Variants in RTN1 observed in about 807,000 individuals in gnomAD.
RTN1 encodes the protein reticulon 1.
A neutral mutation model predicts 65.5 loss-of-function variants in RTN1; 25 were observed. The ratio of observed to expected loss-of-function variants is 0.38; its 90% CI spans 0.28 to 0.53. The LOEUF is 0.53. Ranked by LOEUF, RTN1 falls within the 20% of genes least tolerant of loss-of-function variation. The probability of loss-of-function intolerance (pLI) is 0.79; values close to 1 mark genes in which losing one functional copy is unlikely to be tolerated. For synonymous variants in RTN1, 471 were observed against 447.6 expected, an observed-to-expected ratio of 1.05 and a Z score of -0.66; for missense variants, 983 against 1,025.4, an observed-to-expected ratio of 0.96 and a Z score of 0.57.
At chr14:59,750,404 TATTATATGTATA>T (rs1885467806) in intron 1 of RTN1, among the ~76,000 whole-genome samples, 1 of 52,728 alleles carries the variant, frequency 1.9e-5, no homozygotes, top group African/African-American at 7.7e-5. Flanking sequence ...ATAATATATA[TATTATATGTATA>T]ATATATAATA....
chr14:59,596,448 A>C lies in RTN1; in HGVS notation c.*297T>G, dbSNP rs1426279526. The C allele has an allele frequency of 1.7e-5, 4 of 239,596 alleles. No homozygotes were observed. Among genetic ancestry groups the C allele is most frequent in the Non-Finnish European group, 3.2e-5 (4 of 123,736 alleles). 14.8% of individuals were successfully genotyped at this position (239,596 alleles called of 1,614,324 possible). A position where few individuals can be genotyped will look rare whatever the true frequency, so the allele number is the denominator to read the frequency against. On this transcript the variant is annotated 3_prime_UTR_variant, in exon 9 of 9. Transcript: ENST00000267484. ...GAAGCATTGCAGAGAAGAGAAGAAG[A>C]ACACCGAAGAGGGAAAGATAACTTG...
In RTN1 at chr14:59,868,314, C is replaced by A. The variant is rs1280295443; in HGVS notation, c.241+2076G>T. Among the ~76,000 whole-genome samples, 1 of 152,140 alleles carries A rather than the reference C, an allele frequency of 6.6e-6. No homozygotes were observed. Among genetic ancestry groups the A allele is most frequent in the African/African-American group, 2.4e-5 (1 of 41,420 alleles). On this transcript the variant is annotated intron_variant, in intron 1 of 8. Coordinates refer to ENST00000267484, the MANE Select transcript of RTN1 (RefSeq NM_021136.3). The surrounding 1 kb of genome is among the most constrained non-coding windows in gnomAD (Gnocchi z 4.0). ...ACTAAAAAATTTCTATATAAATATG[C>A]AAAATATGTGCTCCTTCCATCTTTC...
chr14:59,870,457 C>T lies in RTN1; in HGVS notation c.174G>A (p.Ala58=), dbSNP rs767836974. ...GGCCCGAGCCGGCTTCCCGCGACGC[C>T]GCTTCCCGGGCCCTGGCGCCCAACC... is the stretch of plus-strand genomic sequence containing the variant. ...SPGLGARARE[A]ASREAGSGPA... The change falls in exon 1 of 9, where the codon GCG becomes GCA. Residue 58 remains alanine, a synonymous_variant. Coordinates refer to ENST00000267484, the MANE Select transcript of RTN1 (RefSeq NM_021136.3). This position sits in a 1 kb window ranked among gnomAD's most constrained non-coding sequence, Gnocchi z 5.1. 6.7e-7 allele frequency: 1 copy of T among 1,496,416 alleles called. No homozygotes were observed. Among genetic ancestry groups the T allele is most frequent in the South Asian group, 1.3e-5 (1 of 79,382 alleles). The allele number at this position is 1,496,416 out of a possible 1,614,324, so 92.7% of individuals were successfully genotyped here.
At chr14:59,619,688 A>G (rs1045442467) in intron 3 of RTN1, among the ~76,000 whole-genome samples, 1 of 152,164 alleles carries the variant, frequency 6.6e-6, no homozygotes, top group Non-Finnish European at 1.5e-5. Flanking sequence ...TTGGGATTGA[A>G]AGGAATAAGT....
rs1886321390 is a variant in RTN1, at chr14:59,790,090, AATAG to A, written c.242-43613_242-43610del. Among the ~76,000 whole-genome samples, 2 of 152,200 alleles carry A rather than the reference AATAG, an allele frequency of 1.3e-5. No homozygotes were observed. Among genetic ancestry groups the A allele is most frequent in the South Asian group, 2.1e-4 (1 of 4,830 alleles). On this transcript the variant is annotated intron_variant, in intron 1 of 8. Transcript: ENST00000267484. This position sits in a 1 kb window ranked among gnomAD's most constrained non-coding sequence, Gnocchi z 4.1. Reference sequence around the variant, plus strand: ...GTTACCAAAGTGATAAATAATTAGAAATAGATAGGAGAAGATAGGCATGAAGAAA... The same window carrying A: ...GTTACCAAAGTGATAAATAATTAGAAATAGGAGAAGATAGGCATGAAGAAA...
Position 59,816,449 on chromosome 14 carries a change from C to A in RTN1, c.241+53941G>T, listed in dbSNP as rs1425997266. Among the ~76,000 whole-genome samples, 1 of 152,148 alleles carries A rather than the reference C, an allele frequency of 6.6e-6. No homozygotes were observed. The highest frequency in any genetic ancestry group is 2.4e-5 in the African/African-American group (1 of 41,428). ...GCTCCTAGGAAACAAGAATGGAATC[C>A]TCTTTAGCTCTGTATCTCCAGCACT... On this transcript the variant is annotated intron_variant, in intron 1 of 8. Transcript: ENST00000267484. This position sits in a 1 kb window ranked among gnomAD's most constrained non-coding sequence, Gnocchi z 4.3.
chr14:59,596,332 C>G lies in RTN1; in HGVS notation c.*413G>C, dbSNP rs1475286442. ...ATATTGTTATTAAAGATTAATCCAACCAGCAACCCAAGGACATATAAGCGA... is the reference window on the plus strand; with the variant it reads ...ATATTGTTATTAAAGATTAATCCAAGCAGCAACCCAAGGACATATAAGCGA... On this transcript the variant is annotated 3_prime_UTR_variant, in exon 9 of 9. Coordinates refer to ENST00000267484, the MANE Select transcript of RTN1 (RefSeq NM_021136.3). 6.4e-6 allele frequency: 1 copy of G among 155,930 alleles called. No homozygotes were observed. Among genetic ancestry groups the G allele is most frequent in the Non-Finnish European group, 1.4e-5 (1 of 70,278 alleles). The allele number at this position is 155,930 out of a possible 1,614,324, so 9.7% of individuals were successfully genotyped here.
intron 3 of RTN1, among the ~76,000 whole-genome samples, chr14:59,654,353 G>A (rs193010500): frequency 7.3e-4 from 111 of 151,580 alleles, no homozygotes; most frequent in African/African-American, 2.6e-3. Flanking sequence ...GTTTGAACCC[G>A]GGCAGGGGAG....
chr14:59,612,677 C>G (rs1881989968), intron 3 of RTN1, among the ~76,000 whole-genome samples: 1 of 152,192 alleles, frequency 6.6e-6, no homozygotes, highest in Non-Finnish European at 1.5e-5. Flanking sequence ...CTACAGGTCC[C>G]TGAAACCAGT....
At chr14:59,690,063 C>T (rs906581706) in intron 3 of RTN1, among the ~76,000 whole-genome samples, 32 of 151,762 alleles carry the variant, frequency 2.1e-4, no homozygotes, top group African/African-American at 6.8e-4. Flanking sequence ...AGTTATACTC[C>T]TGCCTTGGCC....
intron 3 of RTN1, among the ~76,000 whole-genome samples, chr14:59,701,375 G>A (rs1024783709): frequency 5.9e-5 from 9 of 152,148 alleles, no homozygotes; most frequent in African/African-American, 2.2e-4. Flanking sequence ...TACATGAATG[G>A]TCATAGCAGC....
At chr14:59,665,272 G>A (rs1365591098) in intron 3 of RTN1, among the ~76,000 whole-genome samples, 2 of 152,164 alleles carry the variant, frequency 1.3e-5, no homozygotes, top group Non-Finnish European at 2.9e-5. Flanking sequence ...CCAAAAGACA[G>A]TGGGGGCCAA....
intron 3 of RTN1, among the ~76,000 whole-genome samples, chr14:59,639,537 C>G (rs1439001624): frequency 6.6e-6 from 1 of 152,104 alleles, no homozygotes; most frequent in African/African-American, 2.4e-5. Flanking sequence ...TTTACCTTGT[C>G]CTACTGCACT....
intron 3 of RTN1, among the ~76,000 whole-genome samples, chr14:59,644,183 A>C (rs1241041339): frequency 6.6e-6 from 1 of 152,202 alleles, no homozygotes; most frequent in Non-Finnish European, 1.5e-5. Flanking sequence ...AGAGCAATAG[A>C]AGGGGCGAAT....
chr14:59,795,478 A>C (rs1886422760), intron 1 of RTN1, among the ~76,000 whole-genome samples: 1 of 152,188 alleles, frequency 6.6e-6, no homozygotes, highest in Non-Finnish European at 1.5e-5. Context: ...AGGCAGGAGG[A>C]TCACTTGAGC....
chr14:59,734,498 A>G (rs548342630), intron 2 of RTN1, among the ~76,000 whole-genome samples: 1 of 152,318 alleles, frequency 6.6e-6, no homozygotes, highest in East Asian at 1.9e-4. Context: ...ATAAAACAAT[A>G]CAGGAGGTGA....
intron 1 of RTN1, among the ~76,000 whole-genome samples, chr14:59,760,743 C>T (rs189310747): frequency 1.4e-4 from 21 of 152,302 alleles, no homozygotes; most frequent in East Asian, 3.9e-4. Context: ...GACTGCACAA[C>T]GTGCTTCACT....
At chr14:59,866,046 T>G (rs1302684816) in intron 1 of RTN1, among the ~76,000 whole-genome samples, 2 of 148,884 alleles carry the variant, frequency 1.3e-5, no homozygotes, top group African/African-American at 2.5e-5. Flanking sequence ...CATACCCTTG[T>G]GCCCATGGGG....
At chr14:59,834,864 G>A (rs1168715127) in intron 1 of RTN1, among the ~76,000 whole-genome samples, 6 of 152,184 alleles carry the variant, frequency 3.9e-5, no homozygotes, top group African/African-American at 1.4e-4. Flanking sequence ...GCAAATCTTG[G>A]TAAGGATGTG....
Sources: gnomAD v4.1 joint callset for allele counts (sites outside exome capture counted in the v4.1 genomes callset) on GRCh38, gnomAD v4.1.1 for gene constraint, Gnocchi (gnomAD v3.1) non-coding constraint, MANE v1.5 for transcripts, NCBI Gene and HGNC (gene_info 2026-07-23, HGNC 2026-07-21) for gene names.